The following GPR158 variants were observed in gnomAD, a reference collection of about 807,000 sequenced individuals.
GPR158 encodes G protein-coupled receptor 158, also known as metabotropic glycine receptor.
GPR158 carries 30 observed loss-of-function variants against 78.2 expected under a neutral mutation model. The ratio of observed to expected loss-of-function variants is 0.38; its 90% CI spans 0.29 to 0.52. The LOEUF is 0.52. Among genes scored for constraint, GPR158 ranks in the 20% least tolerant of loss-of-function variants. GPR158 has a pLI of 0.83. For synonymous variants in GPR158, 581 were observed against 591.1 expected, an observed-to-expected ratio of 0.98 and a Z score of 0.25; for missense variants, 1,463 against 1,523.5, an observed-to-expected ratio of 0.96 and a Z score of 0.66.
chr10:25,212,675 A>T (rs1422654748), intron 1 of GPR158, among the ~76,000 whole-genome samples: 1 of 99,432 alleles, frequency 1.0e-5, no homozygotes, highest in African/African-American at 4.4e-5. Context: ...TTTGTTGCCC[A>T]GGCTAGAGTG....
At chr10:25,553,030 C>T (rs1458460825) in intron 6 of GPR158, among the ~76,000 whole-genome samples, 2 of 152,148 alleles carry the variant, frequency 1.3e-5, no homozygotes, top group Admixed American at 6.6e-5. Flanking sequence ...CTTTTCACTG[C>T]AATGCTGTCT....
chr10:25,441,311 A>T (rs1465300143), intron 4 of GPR158, among the ~76,000 whole-genome samples: 1 of 152,182 alleles, frequency 6.6e-6, no homozygotes, highest in Non-Finnish European at 1.5e-5. Flanking sequence ...AATTAGCAAA[A>T]CGTGTACTGG....
intron 2 of GPR158, among the ~76,000 whole-genome samples, chr10:25,259,937 CTA>C (rs1220812663): frequency 6.6e-6 from 1 of 151,392 alleles, no homozygotes; most frequent in African/African-American, 2.4e-5. Flanking sequence ...TGGCTAAACT[CTA>C]TAAATCTAGT....
intron 2 of GPR158, among the ~76,000 whole-genome samples, chr10:25,354,537 T>C (rs1417052033): frequency 2.0e-5 from 3 of 152,140 alleles, no homozygotes; most frequent in Non-Finnish European, 4.4e-5. Flanking sequence ...GTAGGTATTA[T>C]TGTTTTTAAT....
At chr10:25,496,692 A>G (rs1158974751) in intron 5 of GPR158, among the ~76,000 whole-genome samples, 6 of 152,162 alleles carry the variant, frequency 3.9e-5, no homozygotes, top group East Asian at 3.9e-4. Flanking sequence ...ATGTGGGTAC[A>G]CCTTAGAACC....
At chr10:25,338,480 A>T (rs112401226) in intron 2 of GPR158, among the ~76,000 whole-genome samples, 27,518 of 133,532 alleles carry the variant, frequency 0.21, 4,275 homozygotes, top group African/African-American at 0.5. Flanking sequence ...TATACGTATA[A>T]TATACGTATA....
chr10:25,400,196 G>A (rs931414781), intron 3 of GPR158, among the ~76,000 whole-genome samples: 10 of 152,138 alleles, frequency 6.6e-5, no homozygotes, highest in Admixed American at 6.5e-4. Context: ...TCTACAATAG[G>A]AGGAAATTAG....
At chr10:25,217,736 G>A (rs967014933) in intron 1 of GPR158, among the ~76,000 whole-genome samples, 1 of 152,218 alleles carries the variant, frequency 6.6e-6, no homozygotes, top group African/African-American at 2.4e-5. Context: ...GGGAAATCGT[G>A]TTTGATGGAC....
intron 2 of GPR158, among the ~76,000 whole-genome samples, chr10:25,254,511 C>T (rs1490174418): frequency 6.6e-6 from 1 of 152,052 alleles, no homozygotes; most frequent in Non-Finnish European, 1.5e-5. Flanking sequence ...CGTGTAGTCA[C>T]TGATCTAGAA....
intron 5 of GPR158, among the ~76,000 whole-genome samples, chr10:25,469,264 C>T (rs1323233040): frequency 6.6e-6 from 1 of 152,162 alleles, no homozygotes; most frequent in Non-Finnish European, 1.5e-5. Flanking sequence ...CCAGCCCAAA[C>T]CTTTCTCCTG....
At chr10:25,246,991 TC>T (rs1240914935) in intron 2 of GPR158, among the ~76,000 whole-genome samples, 2 of 152,202 alleles carry the variant, frequency 1.3e-5, no homozygotes, top group Non-Finnish European at 2.9e-5. Flanking sequence ...ATTGGAAGCC[TC>T]AGATGCTTTG....
chr10:25,445,077 A>T (rs1835123036), intron 4 of GPR158, among the ~76,000 whole-genome samples: 1 of 152,200 alleles, frequency 6.6e-6, no homozygotes, highest in Non-Finnish European at 1.5e-5. Context: ...CTTAGATGTA[A>T]CAGAAATGTA....
At chr10:25,400,483 A>G (rs896064039) in intron 3 of GPR158, among the ~76,000 whole-genome samples, 1 of 152,236 alleles carries the variant, frequency 6.6e-6, no homozygotes, top group Admixed American at 6.5e-5. Flanking sequence ...GTATTCAAAT[A>G]ACATGATTTG....
intron 1 of GPR158, among the ~76,000 whole-genome samples, chr10:25,190,237 T>C (rs1037766284): frequency 1.3e-5 from 2 of 152,192 alleles, no homozygotes; most frequent in African/African-American, 4.8e-5. Context: ...CCATTTTAAC[T>C]TATTGATTCA....
intron 2 of GPR158, among the ~76,000 whole-genome samples, chr10:25,335,782 G>GAT (rs1356067808): frequency 1.3e-5 from 2 of 151,970 alleles, no homozygotes; most frequent in African/African-American, 4.8e-5. Context: ...ACAAATCCTT[G>GAT]ATATGCACCA....
chr10:25,433,694 C>CTTTTTTTTT (rs3082190), intron 4 of GPR158, among the ~76,000 whole-genome samples: 1 of 109,850 alleles, frequency 9.1e-6, no homozygotes, highest in Admixed American at 1.1e-4. Flanking sequence ...TTCTTTCTTT[C>CTTTTTTTTT]TTTTTTTTTT....
At chr10:25,509,395 G>A (rs1293576639) in intron 5 of GPR158, among the ~76,000 whole-genome samples, 2 of 152,110 alleles carry the variant, frequency 1.3e-5, no homozygotes, top group East Asian at 1.9e-4. Context: ...TATTATGCCC[G>A]TGGAATCTGT....
At chr10:25,433,536 G>GTGTGTGTGTGTGT (rs150589257) in intron 4 of GPR158, among the ~76,000 whole-genome samples, 77 of 131,832 alleles carry the variant, frequency 5.8e-4, no homozygotes, top group South Asian at 1.3e-3. Flanking sequence ...TTAGGGGTGT[G>GTGTGTGTGTGTGT]TGTGTGTGTG....
chr10:25,378,232 T>G (rs1255929391), intron 2 of GPR158, among the ~76,000 whole-genome samples: 2 of 152,182 alleles, frequency 1.3e-5, no homozygotes, highest in Non-Finnish European at 2.9e-5. Context: ...AATCACCAAC[T>G]TATCCCTTTA....
Sources: gnomAD v4.1 joint callset for allele counts (sites outside exome capture counted in the v4.1 genomes callset) on GRCh38, gnomAD v4.1.1 for gene constraint, MANE v1.5 for transcripts, NCBI Gene and HGNC (gene_info 2026-07-23, HGNC 2026-07-21) for gene names.